The following PTPN9 variants were observed in gnomAD, a reference collection of about 807,000 sequenced individuals.
PTPN9 encodes the protein protein tyrosine phosphatase non-receptor type 9.
PTPN9 carries 26 observed loss-of-function variants against 69.8 expected under a neutral mutation model. That is an observed-to-expected ratio of 0.37 (90% CI 0.27 to 0.52). The LOEUF (loss-of-function observed/expected upper bound fraction) is 0.52, where lower values mean the gene tolerates loss of function less well. PTPN9 is among the 20% of genes least tolerant of loss of function. The probability of loss-of-function intolerance (pLI) is 0.91; values close to 1 mark genes in which losing one functional copy is unlikely to be tolerated. For synonymous variants in PTPN9, 274 were observed against 272.5 expected, an observed-to-expected ratio of 1.01 and a Z score of -0.05; for missense variants, 549 against 740.3, an observed-to-expected ratio of 0.74 and a Z score of 3.00.
In PTPN9 at chr15:75,490,226, C is replaced by T; in HGVS notation, c.1044G>A (p.Lys348=). 1.2e-6 allele frequency: 2 copies of T among 1,612,668 alleles called. No individual in the cohort carries two copies. Among genetic ancestry groups the T allele is most frequent in the Non-Finnish European group, 1.7e-6 (2 of 1,178,646 alleles). The part of the protein sequence containing the change: ...CLDQTRVKLT[K]RSGHTQTDYI... ...TGTCTACCTGAGTATGGCCACTTCG[C>T]TTTGTTAGCTTCACTCTAGTTTGGT... Residue 348 remains lysine, a synonymous_variant, in exon 8 of 13, where the codon AAG becomes AAA. Coordinates refer to ENST00000618819, the MANE Select transcript of PTPN9 (RefSeq NM_002833.4).
chr15:75,537,753 C>CAAAAAAAAAAAAAAAAAAAAAGAA (rs2074990354), intron 1 of PTPN9, among the ~76,000 whole-genome samples: 1 of 11,382 alleles, frequency 8.8e-5, no homozygotes, highest in East Asian at 2.0e-3. Flanking sequence ...GACTCCATCT[C>CAAAAAAAAAAAAAAAAAAAAAGAA]AAAAAAAAAA....
chr15:75,485,693 A>G (rs2074671547), intron 8 of PTPN9, among the ~76,000 whole-genome samples: 1 of 151,420 alleles, frequency 6.6e-6, no homozygotes, highest in Non-Finnish European at 1.5e-5. Flanking sequence ...TTTAAAGAAG[A>G]CATTATTTCT....
chr15:75,504,208 CG>C (rs1163234759), intron 7 of PTPN9, among the ~76,000 whole-genome samples: 2 of 69,704 alleles, frequency 2.9e-5, no homozygotes, highest in African/African-American at 5.9e-5. Flanking sequence ...GGAGGGAGGT[CG>C]GGGGGGTCAG....
At chr15:75,515,669 G>A (rs912182407) in intron 5 of PTPN9, among the ~76,000 whole-genome samples, 5 of 152,010 alleles carry the variant, frequency 3.3e-5, no homozygotes, top group African/African-American at 1.2e-4. Flanking sequence ...AGGCCGAGGC[G>A]GGTGGATCAC....
chr15:75,573,957 G>C (rs1267109486), intron 1 of PTPN9, among the ~76,000 whole-genome samples: 2 of 152,282 alleles, frequency 1.3e-5, no homozygotes, highest in Non-Finnish European at 2.9e-5. Context: ...TTAACAAAGG[G>C]GGGTGTTTCC....
intron 1 of PTPN9, among the ~76,000 whole-genome samples, chr15:75,544,635 A>G (rs1280360988): frequency 1.3e-5 from 2 of 152,202 alleles, no homozygotes; most frequent in Non-Finnish European, 2.9e-5. Flanking sequence ...GGGAGGTAAC[A>G]GAGGTAGCTG....
chr15:75,558,610 G>A (rs946295973), intron 1 of PTPN9, among the ~76,000 whole-genome samples: 1 of 152,134 alleles, frequency 6.6e-6, no homozygotes, highest in African/African-American at 2.4e-5. Flanking sequence ...TGCCATCTCT[G>A]CTCACTGCAA....
At chr15:75,545,793 A>C (rs1313709936) in intron 1 of PTPN9, among the ~76,000 whole-genome samples, 1 of 152,200 alleles carries the variant, frequency 6.6e-6, no homozygotes, top group Non-Finnish European at 1.5e-5. Flanking sequence ...TACTAAAAAT[A>C]CAAAAATTAG....
chr15:75,490,459 T>A (rs1164732262), intron 7 of PTPN9, among the ~76,000 whole-genome samples, 158 bp from the exon 8 acceptor site: 1 of 152,216 alleles, frequency 6.6e-6, no homozygotes. Flanking sequence ...TCATTTAACA[T>A]TTTTTGTGGT....
intron 8 of PTPN9, chr15:75,480,523 G>A (rs934141476): frequency 3.2e-6 from 1 of 314,118 alleles, no homozygotes; most frequent in Non-Finnish European, 5.5e-6. Flanking sequence ...AAGGCGCCGC[G>A]GGCTGGGGTC....
intron 1 of PTPN9, among the ~76,000 whole-genome samples, chr15:75,535,292 G>A (rs973620452): frequency 2.0e-5 from 3 of 152,038 alleles, no homozygotes; most frequent in East Asian, 1.9e-4. Flanking sequence ...CACCGCGCCC[G>A]GCCTCAACTG....
chr15:75,545,204 G>A (rs2075026996), intron 1 of PTPN9, among the ~76,000 whole-genome samples: 1 of 152,194 alleles, frequency 6.6e-6, no homozygotes, highest in African/African-American at 2.4e-5. Context: ...TGCTAAAAGA[G>A]TGTGGTTCAG....
intron 10 of PTPN9, among the ~76,000 whole-genome samples, chr15:75,472,636 C>G (rs1260357342): frequency 1.3e-5 from 2 of 151,716 alleles, no homozygotes; most frequent in African/African-American, 4.8e-5. Flanking sequence ...TACTAAAAAT[C>G]CAAAAATTAG....
At chr15:75,515,064 A>G (rs2074862467) in intron 5 of PTPN9, among the ~76,000 whole-genome samples, 1 of 152,280 alleles carries the variant, frequency 6.6e-6, no homozygotes. Flanking sequence ...TGCATTCTCA[A>G]TGGGGGAGAT....
intron 9 of PTPN9, among the ~76,000 whole-genome samples, chr15:75,478,279 A>G (rs2074608336): frequency 6.7e-6 from 1 of 149,368 alleles, no homozygotes; most frequent in Non-Finnish European, 1.5e-5. Context: ...CTAATTTTGT[A>G]TGTTTAGTAG....
At chr15:75,475,825 TAA>T (rs1053773022) in intron 9 of PTPN9, among the ~76,000 whole-genome samples, 2 of 152,000 alleles carry the variant, frequency 1.3e-5, no homozygotes, top group African/African-American at 4.8e-5. Context: ...AAATATCCAA[TAA>T]GAGAGGATTA....
intron 1 of PTPN9, among the ~76,000 whole-genome samples, chr15:75,535,083 G>A (rs1441288936): frequency 6.6e-6 from 1 of 150,846 alleles, no homozygotes; most frequent in African/African-American, 2.4e-5. Flanking sequence ...TGCAAGCTCC[G>A]TCTCCTGGGT....
At chr15:75,479,105 G>A (rs1243363597) in intron 9 of PTPN9, among the ~76,000 whole-genome samples, 2 of 152,142 alleles carry the variant, frequency 1.3e-5, no homozygotes, top group African/African-American at 2.4e-5. Context: ...TCAGGAGTTC[G>A]AGACCAGCCT....
At chr15:75,559,859 A>C (rs1182473843) in intron 1 of PTPN9, among the ~76,000 whole-genome samples, 1 of 151,872 alleles carries the variant, frequency 6.6e-6, no homozygotes, top group Admixed American at 6.6e-5. Context: ...AAACTTTCTC[A>C]CTGGGCACGA....
Sources: allele counts gnomAD v4.1 joint callset (sites outside exome capture counted in the v4.1 genomes callset), GRCh38; gene constraint gnomAD v4.1.1; transcripts MANE v1.5; gene names NCBI Gene and HGNC (gene_info 2026-07-23, HGNC 2026-07-21).